Variants in ONECUT1 observed in about 807,000 individuals in gnomAD.
ONECUT1 encodes the protein hepatocyte nuclear factor 6.
ONECUT1 carries 12 observed loss-of-function variants against 25.6 expected under a neutral mutation model. The observed-to-expected ratio is 0.47, with a 90% CI of 0.30 to 0.76. The LOEUF (loss-of-function observed/expected upper bound fraction) is 0.76. Ranked by LOEUF, ONECUT1 falls within the 30% of genes least tolerant of loss-of-function variation. The probability of loss-of-function intolerance (pLI) is 0.07; values close to 1 mark genes in which losing one functional copy is unlikely to be tolerated. For synonymous variants in ONECUT1, 285 were observed against 270.2 expected (o/e 1.05, Z -0.54); for missense variants, 620 against 651.2 (o/e 0.95, Z 0.52).
At position 52,757,410 on chromosome 15, in the gene ONECUT1, T is replaced by C. The variant is rs1276420301; in HGVS notation, c.*145A>G. ...AAAGTCAGAATGCAGGTGAGCTAAG[T>C]CTTTGGTTTCTTTGGACTATAAATA... On this transcript the variant is annotated 3_prime_UTR_variant, in exon 2 of 2. Transcript: ENST00000305901. 7 of 897,498 alleles carry C rather than the reference T, an allele frequency of 7.8e-6. No homozygotes were observed. Among genetic ancestry groups the C allele is most frequent in the Non-Finnish European group, 9.9e-6 (6 of 608,766 alleles). 55.6% of individuals were successfully genotyped at this position (897,498 alleles called of 1,614,324 possible). A position where few individuals can be genotyped will look rare whatever the true frequency, so the allele number is the denominator to read the frequency against.
intron 1 of ONECUT1, among the ~76,000 whole-genome samples, chr15:52,763,399 A>T (rs1024976214): frequency 6.6e-6 from 1 of 152,038 alleles, no homozygotes; most frequent in African/African-American, 2.4e-5. Context: ...AAAACAGAGC[A>T]TGAGGGTGTG....
At chr15:52,759,289 T>C (rs2083691490) in intron 1 of ONECUT1, among the ~76,000 whole-genome samples, 1 of 152,116 alleles carries the variant, frequency 6.6e-6, no homozygotes, top group Non-Finnish European at 1.5e-5. Flanking sequence ...AGATTCAGCC[T>C]CTGTGCTCTC....
chr15:52,764,198 G>A (rs2083721388), intron 1 of ONECUT1, among the ~76,000 whole-genome samples: 1 of 152,178 alleles, frequency 6.6e-6, no homozygotes, highest in Non-Finnish European at 1.5e-5. Context: ...TGGCCTGGGA[G>A]GCATTAATAA....
intron 1 of ONECUT1, among the ~76,000 whole-genome samples, chr15:52,762,907 G>A (rs1429273146): frequency 2.0e-5 from 3 of 152,060 alleles, no homozygotes; most frequent in Non-Finnish European, 4.4e-5. Context: ...TCAGAGTAGA[G>A]ATTACCCATT....
intron 1 of ONECUT1, among the ~76,000 whole-genome samples, chr15:52,778,030 A>T (rs980950105): frequency 2.2e-4 from 33 of 152,178 alleles, no homozygotes; most frequent in Non-Finnish European, 7.3e-5. Context: ...GTTTGGTCTG[A>T]ATTGCTTGGG....
intron 1 of ONECUT1, among the ~76,000 whole-genome samples, chr15:52,766,888 A>G (rs1017077944): frequency 3.9e-5 from 6 of 152,130 alleles, no homozygotes; most frequent in Non-Finnish European, 8.8e-5. Flanking sequence ...TTCCTGAGTC[A>G]GTGAATAAAA....
rs1393955281 is a variant in ONECUT1 at position 52,755,395 on chromosome 15, C to T, written c.*2160G>A. Among the ~76,000 whole-genome samples the T allele has an allele frequency of 1.3e-5, 2 of 152,056 alleles. No individual in the cohort carries two copies. Among genetic ancestry groups the T allele is most frequent in the African/African-American group, 4.8e-5 (2 of 41,380 alleles). On this transcript the variant is annotated 3_prime_UTR_variant, in exon 2 of 2. Transcript: ENST00000305901. ...TTCAATAGCTGAACTATAATTGTGCCATATTTAGAAGGGAAATTTTTAAGC... is the reference window on the plus strand; with the variant it reads ...TTCAATAGCTGAACTATAATTGTGCTATATTTAGAAGGGAAATTTTTAAGC...
chr15:52,767,112 C>T (rs141526355), intron 1 of ONECUT1, among the ~76,000 whole-genome samples: 6 of 152,112 alleles, frequency 3.9e-5, no homozygotes, highest in African/African-American at 1.2e-4. Context: ...GCCTGAATCT[C>T]GGTGAGGTTA....
At chr15:52,768,141 T>C (rs1161649599) in intron 1 of ONECUT1, among the ~76,000 whole-genome samples, 1 of 152,166 alleles carries the variant, frequency 6.6e-6, no homozygotes, top group Non-Finnish European at 1.5e-5. Flanking sequence ...ATAGGGTGAC[T>C]ACAGTTAATT....
intron 1 of ONECUT1, among the ~76,000 whole-genome samples, chr15:52,772,251 G>C (rs556633039): frequency 6.6e-6 from 1 of 152,194 alleles, no homozygotes; most frequent in East Asian, 1.9e-4. Flanking sequence ...AAAATTAGCT[G>C]GGCGTTGTGG....
At position 52,789,035 on chromosome 15, in the gene ONECUT1, T is replaced by C. The variant is rs1002013301; in HGVS notation, c.850A>G (p.Ser284Gly). The change falls in exon 1 of 2, where the codon AGT (serine) becomes GGT (glycine). Residue 284 changes from serine to glycine, a missense_variant. Around this residue, in one of 4 missense-constraint regions of ONECUT1, gnomAD observed 146 missense variants for 201.8 expected, o/e 0.72. Coordinates refer to ENST00000305901, the MANE Select transcript of ONECUT1 (RefSeq NM_004498.4). The surrounding 1 kb of genome is among the most constrained non-coding windows in gnomAD (Gnocchi z 4.1). ...SVTGAQVSNGSNSGQMEEINT... is the reference protein window; with the variant it reads ...SVTGAQVSNGGNSGQMEEINT... ...ATCTCTTCCATCTGCCCTGAATTACTTCCATTGCTGACCTGCGCGCCGGTC... is the reference window on the plus strand; with the variant it reads ...ATCTCTTCCATCTGCCCTGAATTACCTCCATTGCTGACCTGCGCGCCGGTC... 1.6e-5 allele frequency: 25 copies of C among 1,605,814 alleles called. No homozygotes were observed. The highest frequency in any genetic ancestry group is 2.7e-5 in the African/African-American group (2 of 75,054).
intron 1 of ONECUT1, among the ~76,000 whole-genome samples, chr15:52,771,712 G>C (rs1263147249): frequency 6.6e-6 from 1 of 151,800 alleles, no homozygotes; most frequent in Non-Finnish European, 1.5e-5. Context: ...GGTTACATGA[G>C]TAAGTTCTTT....
At chr15:52,782,324 G>T (rs189802799) in intron 1 of ONECUT1, among the ~76,000 whole-genome samples, 13 of 152,272 alleles carry the variant, frequency 8.5e-5, no homozygotes, top group Admixed American at 3.9e-4. Flanking sequence ...AGATTGTCTT[G>T]TGATTGGTCT....
rs544974050 is a variant in ONECUT1, at chr15:52,784,157, G to A, written c.1105+4623C>T. ...AAAGGGAGCCGAATGGAGGGAAGCA[G>A]GGAGCGCGGAGGGCTCGAGGCTTGC... On this transcript the variant is annotated intron_variant, in intron 1 of 1. Transcript: ENST00000305901. The surrounding 1 kb of genome is among the most constrained non-coding windows in gnomAD (Gnocchi z 5.0). 1.8e-3 allele frequency among the ~76,000 whole-genome samples: 275 copies of A among 152,318 alleles called. 1 individual carries two copies. Among genetic ancestry groups the A allele is most frequent in the African/African-American group, 5.8e-3 (243 of 41,568 alleles).
intron 1 of ONECUT1, among the ~76,000 whole-genome samples, chr15:52,758,461 T>G (rs180908859): frequency 6.6e-6 from 1 of 152,330 alleles, no homozygotes. Context: ...ATATAGTTTT[T>G]TTTATCATGG....
chr15:52,789,561 A>G lies in ONECUT1; in HGVS notation c.324T>C (p.Pro108=), dbSNP rs1410142445. The part of the protein sequence containing the change: ...SMPTTYTTLT[P]LQPLPPISTV... The stretch of plus-strand genomic sequence containing the variant: ...TGGAGATGGGAGGCAGCGGCTGCAG[A>G]GGGGTCAAGGTGGTGTAGGTGGTGG... Residue 108 remains proline, a synonymous_variant, in exon 1 of 2, where the codon CCT becomes CCC. Transcript: ENST00000305901. The surrounding 1 kb of genome is among the most constrained non-coding windows in gnomAD (Gnocchi z 4.1). The G allele has an allele frequency of 6.3e-7, 1 of 1,593,562 alleles. No individual in the cohort carries two copies.
At chr15:52,781,359 T>G (rs1174080047) in intron 1 of ONECUT1, among the ~76,000 whole-genome samples, 1 of 152,242 alleles carries the variant, frequency 6.6e-6, no homozygotes, top group Non-Finnish European at 1.5e-5. Context: ...TTACAAGTCT[T>G]GAGTATAAAA....
chr15:52,771,203 G>A (rs1307668429), intron 1 of ONECUT1, among the ~76,000 whole-genome samples: 3 of 152,014 alleles, frequency 2.0e-5, no homozygotes, highest in Non-Finnish European at 4.4e-5. Flanking sequence ...TGTGTGCAAA[G>A]ACTTGCTTAC....
At chr15:52,761,995 G>C (rs1441795376) in intron 1 of ONECUT1, among the ~76,000 whole-genome samples, 1 of 152,180 alleles carries the variant, frequency 6.6e-6, no homozygotes, top group Non-Finnish European at 1.5e-5. Context: ...TGGAGTTCAG[G>C]GGAGAGATCT....
Sources: gnomAD v4.1 joint callset for allele counts (sites outside exome capture counted in the v4.1 genomes callset) on GRCh38, gnomAD v4.1.1 for gene constraint, gnomAD v4.1.1 regional missense constraint, Gnocchi (gnomAD v3.1) non-coding constraint, MANE v1.5 for transcripts, NCBI Gene and HGNC (gene_info 2026-07-23, HGNC 2026-07-21) for gene names.